UHRF1: variants seen among roughly 807,000 people sequenced by gnomAD.
UHRF1 encodes the protein ubiquitin like with PHD and ring finger domains 1, also known as E3 ubiquitin-protein ligase UHRF1.
Under a neutral mutation model 96.5 loss-of-function variants are expected in UHRF1, and 9 were observed. The observed-to-expected ratio is 0.09, with a 90% confidence interval of 0.06 to 0.16. UHRF1 has a LOEUF of 0.16. Among genes scored for constraint, UHRF1 ranks in the 10% least tolerant of loss-of-function variants. The pLI is 1.00. For synonymous variants in UHRF1, 455 were observed against 469.9 expected (o/e 0.97, Z 0.41); for missense variants, 626 against 1,131.1 (o/e 0.55, Z 6.40).
chr19:4,936,446 T>C (rs1378888825), intron 5 of UHRF1, among the ~76,000 whole-genome samples: 3 of 152,004 alleles, frequency 2.0e-5, no homozygotes, highest in Non-Finnish European at 2.9e-5. Context: ...GATGGCCGAG[T>C]GGACTCTGGG....
Position 4,909,564 on chromosome 19 carries a change from C to T in UHRF1, c.-102C>T. ...GGGCGCTCCGGGTCGCACGCAAGTC[C>T]GCGCGGGGTCCGGGCCACGCACGCG... On this transcript the variant is annotated 5_prime_UTR_variant, in exon 1 of 17. Coordinates refer to ENST00000650932, the MANE Select transcript of UHRF1 (RefSeq NM_001048201.3). The T allele has an allele frequency of 3.0e-6, 2 of 657,880 alleles. No individual in the cohort carries two copies. The highest frequency in any genetic ancestry group is 3.2e-5 in the East Asian group (1 of 31,032). 40.8% of individuals were successfully genotyped at this position (657,880 alleles called of 1,614,324 possible).
intron 2 of UHRF1, among the ~76,000 whole-genome samples, chr19:4,917,652 CAAAAAAAAAA>C (rs754990585): frequency 1.7e-4 from 6 of 34,348 alleles, no homozygotes; most frequent in East Asian, 1.2e-3. Context: ...GACTCCGTCT[CAAAAAAAAAA>C]AAAAAAAAAA....
chr19:4,938,765 A>AC (rs2033295725), intron 5 of UHRF1, among the ~76,000 whole-genome samples: 1 of 51,484 alleles, frequency 1.9e-5, no homozygotes, highest in African/African-American at 7.7e-5. Context: ...TTTTTTTGAG[A>AC]TAAGGTCTTG....
chr19:4,921,829 C>G (rs1233306656), intron 2 of UHRF1, among the ~76,000 whole-genome samples: 1 of 152,194 alleles, frequency 6.6e-6, no homozygotes, highest in African/African-American at 2.4e-5. Flanking sequence ...ACCGTAATGA[C>G]ATGGATGGAA....
At chr19:4,916,365 C>A (rs149583071) in intron 2 of UHRF1, among the ~76,000 whole-genome samples, 1 of 151,968 alleles carries the variant, frequency 6.6e-6, no homozygotes, top group Admixed American at 6.6e-5. Context: ...AGAAGACAAG[C>A]GCGCCCCCTC....
chr19:4,910,833 T>C, intron 1 of UHRF1, 43 bp from the exon 2 acceptor site: 4 of 1,557,486 alleles, frequency 2.6e-6, no homozygotes, highest in Non-Finnish European at 3.5e-6. Context: ...GGCTCAGAGG[T>C]GCTGGTAAAA....
Position 4,954,551 on chromosome 19 carries a change from G to A in UHRF1, c.1957+63G>A, listed in dbSNP as rs1306702703. ...GTGGGGGAGCAGGTGGGCATCTCGC[G>A]GGTGTGGGGTTGAGGTCGTGTGGAC... On this transcript the variant is annotated intron_variant, in intron 14 of 16. Coordinates refer to ENST00000650932, the MANE Select transcript of UHRF1 (RefSeq NM_001048201.3). The surrounding 1 kb of genome is among the most constrained non-coding windows in gnomAD (Gnocchi z 5.9). 7.6e-6 allele frequency: 12 copies of A among 1,583,358 alleles called. No individual in the cohort carries two copies. Among genetic ancestry groups the A allele is most frequent in the East Asian group, 2.2e-5 (1 of 44,512 alleles).
Position 4,932,866 on chromosome 19 carries a change from C to T in UHRF1, c.695C>T (p.Pro232Leu), listed in dbSNP as rs756415365. 1 of 1,613,730 alleles carries T rather than the reference C, an allele frequency of 6.2e-7. No homozygotes were observed. The highest frequency in any genetic ancestry group is 1.3e-5 in the African/African-American group (1 of 74,940). Residue 232 changes from proline to leucine, a missense_variant, in exon 5 of 17, where the codon CCC (proline) becomes CTC (leucine). By Grantham distance (98) the Pro-to-Leu change is moderately conservative (BLOSUM62 -3). Transcript: ENST00000650932. ...VVMLNYNPDN[P>L]KERGFWYDAE... ...ATGCTCAACTACAACCCCGACAACC[C>T]CAAGGAGCGGGGCTTCTGGTACGAC...
intron 15 of UHRF1, among the ~76,000 whole-genome samples, chr19:4,956,206 C>T (rs1458535112): frequency 6.6e-6 from 1 of 152,204 alleles, no homozygotes; most frequent in Non-Finnish European, 1.5e-5. Context: ...ACTGGGATTA[C>T]AGGCGTGAGC....
rs749771866 is a variant in UHRF1 at position 4,932,958 on chromosome 19, T to TGAGCCTCGCGTCCTGGGGC, written c.785+8_785+26dup. On this transcript the variant is annotated splice_region_variant and intron_variant, in intron 5 of 16. Coordinates refer to ENST00000650932, the MANE Select transcript of UHRF1 (RefSeq NM_001048201.3). ...ACTCTACGCCAACGTGGTGCTGGGG[T>TGAGCCTCGCGTCCTGGGGC]GAGCCTCGCGTCCTGGGGCGAGCCC... The TGAGCCTCGCGTCCTGGGGC allele has an allele frequency of 3.7e-6, 6 of 1,605,054 alleles. No individual in the cohort carries two copies. In the Admixed American group the frequency reaches 8.5e-5, roughly 23 times the overall value.
At position 4,931,098 on chromosome 19, in the gene UHRF1, C is replaced by T. The variant is rs559706843; in HGVS notation, c.569+222C>T. 1.7e-4 allele frequency among the ~76,000 whole-genome samples: 26 copies of T among 152,282 alleles called. No homozygotes were observed. In the South Asian group the frequency reaches 4.8e-3, roughly 28 times the overall value. On this transcript the variant is annotated intron_variant, in intron 4 of 16. Transcript: ENST00000650932. ...CTGTGTCTCCGCGGAGGGTTCTGCT[C>T]GATCAGTGGCTGAAACTGCCACCCC...
intron 5 of UHRF1, among the ~76,000 whole-genome samples, chr19:4,934,462 C>G (rs1451445647): frequency 6.6e-6 from 1 of 152,202 alleles, no homozygotes; most frequent in African/African-American, 2.4e-5. Flanking sequence ...ATGAAACACT[C>G]ACTCCCTAGC....
intron 10 of UHRF1, 23 bp from the exon 11 acceptor site, chr19:4,947,082 C>T (rs777508519): frequency 7.6e-6 from 12 of 1,580,656 alleles, no homozygotes; most frequent in Non-Finnish European, 6.9e-6. Context: ...AGAGGGTTCA[C>T]CCAGCCTTCT....
Position 4,954,665 on chromosome 19 carries a change from G to A in UHRF1, c.1973G>A (p.Arg658Lys), listed in dbSNP as rs2033807549. 3.7e-6 allele frequency: 6 copies of A among 1,612,776 alleles called. No homozygotes were observed. The highest frequency in any genetic ancestry group is 5.1e-6 in the Non-Finnish European group (6 of 1,179,452). The stretch of plus-strand genomic sequence containing the variant: ...CCTCTTCCAGGAGGTGGCCCGAGCA[G>A]GGCCGGGTCCCCGCGCCGGACATCC... ...KRKSAGGGPS[R>K]AGSPRRTSKK... Residue 658 changes from arginine to lysine, a missense_variant, in exon 15 of 17, where the codon AGG (arginine) becomes AAG (lysine). Physicochemically the swap from Arg to Lys is conservative, Grantham distance 26 (BLOSUM62 2). Coordinates refer to ENST00000650932, the MANE Select transcript of UHRF1 (RefSeq NM_001048201.3). The surrounding 1 kb of genome is among the most constrained non-coding windows in gnomAD (Gnocchi z 5.9).
Position 4,941,730 on chromosome 19 carries a change from C to A in UHRF1, c.887-15C>A. ...CCGGGCCCCGCCGGAGCTGACCCTG[C>A]CGCCCCGTGCCCAGGGAAGAGCGGG... On this transcript the variant is annotated splice_polypyrimidine_tract_variant and intron_variant, in intron 6 of 16. Transcript: ENST00000650932. 6.5e-7 allele frequency: 1 copy of A among 1,546,276 alleles called. No individual in the cohort carries two copies. Among genetic ancestry groups the A allele is most frequent in the South Asian group, 1.2e-5 (1 of 84,130 alleles).
At position 4,921,655 on chromosome 19, in the gene UHRF1, G is replaced by A. The variant is rs544544995; in HGVS notation, c.154-7567G>A. On this transcript the variant is annotated intron_variant, in intron 2 of 16. Transcript: ENST00000650932. ...CCTGTAGTCCCAGTTACTTGGAGGG[G>A]CCGAGGCGGGAGGGTTGCTTGAGCC... Among the ~76,000 whole-genome samples the A allele has an allele frequency of 3.3e-5, 5 of 152,208 alleles. No homozygotes were observed. The East Asian group carries it at 9.7e-4, about 29-fold the overall frequency.
rs572560022 is a variant in UHRF1, at chr19:4,950,909, C to A, written c.1731C>A (p.Arg577=). The A allele has an allele frequency of 3.1e-6, 5 of 1,613,584 alleles. No homozygotes were observed. The Admixed American group carries it at 8.3e-5, about 27-fold the overall frequency. ...GGAAGTCCGGGTTTCTCGTGTGGCGCTACCTTCTGCGGAGGGACGATGATG... is the reference window on the plus strand; with the variant it reads ...GGAAGTCCGGGTTTCTCGTGTGGCGATACCTTCTGCGGAGGGACGATGATG... ...EKGKSGFLVW[R]YLLRRDDDEP... The change falls in exon 13 of 17, where the codon CGC becomes CGA. Residue 577 remains arginine, a synonymous_variant. Coordinates refer to ENST00000650932, the MANE Select transcript of UHRF1 (RefSeq NM_001048201.3).
chr19:4,914,461 A>C (rs2032412636), intron 2 of UHRF1, among the ~76,000 whole-genome samples: 1 of 152,018 alleles, frequency 6.6e-6, no homozygotes, highest in Non-Finnish European at 1.5e-5. Flanking sequence ...AAGTTGATGG[A>C]GACCCCAGAG....
rs2033010255 is a variant in UHRF1, at chr19:4,930,389, T to C, written c.409-327T>C. The stretch of plus-strand genomic sequence containing the variant: ...TCCCAAAGTGCTGGTATTCCAGGCG[T>C]GAGCCACGACGCCCTGCCTGGATTT... On this transcript the variant is annotated intron_variant, in intron 3 of 16. Transcript: ENST00000650932. The surrounding 1 kb of genome is among the most constrained non-coding windows in gnomAD (Gnocchi z 4.4). Among the ~76,000 whole-genome samples, 1 of 152,166 alleles carries C rather than the reference T, an allele frequency of 6.6e-6. No homozygotes were observed. Among genetic ancestry groups the C allele is most frequent in the Admixed American group, 6.5e-5 (1 of 15,272 alleles).
Sources: allele counts gnomAD v4.1 joint callset (sites outside exome capture counted in the v4.1 genomes callset), GRCh38; gene constraint gnomAD v4.1.1; non-coding constraint Gnocchi (gnomAD v3.1); transcripts MANE v1.5; gene names NCBI Gene and HGNC (gene_info 2026-07-23, HGNC 2026-07-21).